The following SERPINB8 variants were observed in gnomAD, a reference collection of about 807,000 sequenced individuals.
SERPINB8 encodes the protein serpin family B member 8.
SERPINB8 carries 25 observed loss-of-function variants against 35.3 expected under a neutral mutation model. The observed-to-expected ratio is 0.71, with a 90% CI of 0.52 to 0.99. The LOEUF (loss-of-function observed/expected upper bound fraction) is 0.99. SERPINB8 is among the 50% of genes least tolerant of loss of function. SERPINB8 has a pLI of 0.00. For missense variants in SERPINB8, 484 were observed against 446.5 expected (o/e 1.08, Z -0.76); for synonymous variants, 186 against 160.8 (o/e 1.16, Z -1.19).
At chr18:63,980,907 C>CTGGG (rs2050660463) in intron 3 of SERPINB8, among the ~76,000 whole-genome samples, 1 of 152,194 alleles carries the variant, frequency 6.6e-6, no homozygotes, top group South Asian at 2.1e-4. Context: ...GGTAAGTTAT[C>CTGGG]TGGGTTTTAA....
At chr18:63,981,133 A>G (rs907928121) in intron 3 of SERPINB8, among the ~76,000 whole-genome samples, 13 of 152,230 alleles carry the variant, frequency 8.5e-5, no homozygotes, top group Non-Finnish European at 1.8e-4. Context: ...ACACGCATGC[A>G]CACGTATGAA....
chr18:63,993,691 G>C (rs2050835162), downstream of SERPINB8, among the ~76,000 whole-genome samples: 3 of 152,178 alleles, frequency 2.0e-5, no homozygotes. Context: ...CCAGCTCTAG[G>C]TCAAAATCCC....
chr18:63,997,298 A>G (rs1226413986), intron 1 of SERPINB8, among the ~76,000 whole-genome samples: 3 of 152,322 alleles, frequency 2.0e-5, no homozygotes, highest in Admixed American at 2.0e-4. Context: ...AGAGGCCTCA[A>G]ATATCCAGGT....
downstream of SERPINB8, among the ~76,000 whole-genome samples, chr18:64,008,430 C>T (rs116052506): frequency 0.015 from 2,189 of 150,872 alleles, 54 homozygotes; most frequent in African/African-American, 0.051. Context: ...TTAATTTTTA[C>T]TAGAGACAGG....
chr18:63,999,192 G>C (rs1398724183), intron 1 of SERPINB8, among the ~76,000 whole-genome samples: 2 of 152,126 alleles, frequency 1.3e-5, no homozygotes, highest in Non-Finnish European at 2.9e-5. Flanking sequence ...TCATTCGTAG[G>C]CCTGACTCAG....
intron 1 of SERPINB8, chr18:64,004,813 T>C: frequency 2.5e-6 from 1 of 398,558 alleles, no homozygotes; most frequent in East Asian, 3.6e-5. Flanking sequence ...TTGTGCCTCC[T>C]AACAGGATAC....
chr18:63,982,216 C>T (rs775982951), intron 4 of SERPINB8, among the ~76,000 whole-genome samples: 7 of 152,110 alleles, frequency 4.6e-5, no homozygotes, highest in Admixed American at 1.3e-4. Context: ...TTATCTCCTC[C>T]GCGTGGTAAT....
intron 3 of SERPINB8, among the ~76,000 whole-genome samples, chr18:63,980,619 G>A (rs1488726898): frequency 3.3e-5 from 5 of 152,112 alleles, no homozygotes; most frequent in East Asian, 1.9e-4. Context: ...TGCTGTTCCC[G>A]GAATTTGCCT....
chr18:63,985,285 A>G (rs768506676), intron 6 of SERPINB8, 40 bp downstream of exon 6: 2 of 1,602,476 alleles, frequency 1.2e-6, no homozygotes, highest in South Asian at 1.1e-5. Context: ...TGTGGAGTCC[A>G]GCTGAGCTCA....
downstream of SERPINB8, among the ~76,000 whole-genome samples, chr18:64,009,888 G>T (rs374865253): frequency 6.6e-6 from 1 of 151,970 alleles, no homozygotes; most frequent in African/African-American, 2.4e-5. Context: ...AAGGATTTTT[G>T]TCATATATTT....
At chr18:63,982,706 C>A (rs1421544349) in intron 4 of SERPINB8, among the ~76,000 whole-genome samples, 2 of 152,162 alleles carry the variant, frequency 1.3e-5, no homozygotes, top group Admixed American at 6.5e-5. Context: ...AGTACTGTCA[C>A]CTGAGGAACC....
chr18:63,995,533 G>C (rs1298613594), intron 1 of SERPINB8, among the ~76,000 whole-genome samples: 1 of 152,168 alleles, frequency 6.6e-6, no homozygotes, highest in Admixed American at 6.5e-5. Flanking sequence ...TCCCATGACT[G>C]CATGTGTTCT....
At position 63,987,189 on chromosome 18, in the gene SERPINB8, A is replaced by G; in HGVS notation, c.1036A>G (p.Arg346Gly). The G allele has an allele frequency of 6.2e-7, 1 of 1,614,180 alleles. No individual in the cohort carries two copies. The highest frequency in any genetic ancestry group is 8.5e-7 in the Non-Finnish European group (1 of 1,180,034). The change falls in exon 7 of 7, where the codon AGA (arginine) becomes GGA (glycine). Residue 346 changes from arginine (R) to glycine (G), a missense_variant. Coordinates refer to ENST00000397985, the MANE Select transcript of SERPINB8 (RefSeq NM_002640.4). Reference protein sequence around the residue: ...RNSRCSRMEPRFCADHPFLFF... With the variant: ...RNSRCSRMEPGFCADHPFLFF... ...TTCCCGGTGCAGCAGAATGGAGCCAAGATTCTGTGCAGACCACCCTTTTCT... is the reference window on the plus strand; with the variant it reads ...TTCCCGGTGCAGCAGAATGGAGCCAGGATTCTGTGCAGACCACCCTTTTCT...
chr18:64,008,644 T>C (rs556118805), downstream of SERPINB8, among the ~76,000 whole-genome samples: 1 of 152,246 alleles, frequency 6.6e-6, no homozygotes, highest in Non-Finnish European at 1.5e-5. Context: ...TATTCCTAGA[T>C]TATATGATTA....
chr18:63,996,724 A>G (rs2050851393), intron 1 of SERPINB8, among the ~76,000 whole-genome samples: 2 of 152,352 alleles, frequency 1.3e-5, no homozygotes, highest in African/African-American at 4.8e-5. Flanking sequence ...CAACTACACC[A>G]TTAACAGACA....
chr18:63,993,206 A>C (rs2050833181), downstream of SERPINB8, among the ~76,000 whole-genome samples: 1 of 152,240 alleles, frequency 6.6e-6, no homozygotes, highest in Non-Finnish European at 1.5e-5. Flanking sequence ...CCACCATAAA[A>C]AATTTCCCTA....
chr18:63,985,210 A>T lies in SERPINB8; in HGVS notation c.685A>T (p.Ile229Phe), dbSNP rs376344450. Reference sequence around the variant, plus strand: ...TGTGGAAGAGGAGCTGAGCATGGTCATTCTGCTTCCCGATGACAACACGGA... The same window carrying T: ...TGTGGAAGAGGAGCTGAGCATGGTCTTTCTGCTTCCCGATGACAACACGGA... The part of the protein sequence containing the change: ...PYVEEELSMV[I>F]LLPDDNTDLA... The change falls in exon 6 of 7, where the codon ATT becomes TTT. Residue 229 changes from isoleucine to phenylalanine, a missense_variant. Ile to Phe is a conservative substitution (Grantham distance 21). Coordinates refer to ENST00000397985, the MANE Select transcript of SERPINB8 (RefSeq NM_002640.4). 1 of 1,614,102 alleles carries T rather than the reference A, an allele frequency of 6.2e-7. No individual in the cohort carries two copies. The highest frequency in any genetic ancestry group is 8.5e-7 in the Non-Finnish European group (1 of 1,180,044).
At position 63,985,071 on chromosome 18, in the gene SERPINB8, C is replaced by T. The variant is rs755389399; in HGVS notation, c.568-22C>T. On this transcript the variant is annotated intron_variant, in intron 5 of 6. Coordinates refer to ENST00000397985, the MANE Select transcript of SERPINB8 (RefSeq NM_002640.4). ...TAAATTATACCCACTTTTCAGTAAT[C>T]GAACTTTAATTTTTCCGTTAGGAAA... is the stretch of plus-strand genomic sequence containing the variant. The T allele has an allele frequency of 2.9e-5, 46 of 1,611,728 alleles. 1 individual carries two copies. Among genetic ancestry groups the T allele is most frequent in the South Asian group, 2.6e-4 (24 of 90,976 alleles).
At chr18:64,004,122 G>A (rs2050889055) in intron 1 of SERPINB8, among the ~76,000 whole-genome samples, 1 of 148,324 alleles carries the variant, frequency 6.7e-6, no homozygotes, top group Non-Finnish European at 1.5e-5. Context: ...ATTTTATGGA[G>A]TATTTGAGAA....
Sources: gnomAD v4.1 joint callset for allele counts (sites outside exome capture counted in the v4.1 genomes callset) on GRCh38, gnomAD v4.1.1 for gene constraint, MANE v1.5 for transcripts, NCBI Gene and HGNC (gene_info 2026-07-23, HGNC 2026-07-21) for gene names.